Variants in HS6ST1 observed in about 807,000 individuals in gnomAD.
HS6ST1 encodes the protein heparan-sulfate 6-O-sulfotransferase 1.
Under a neutral mutation model 25.2 loss-of-function variants are expected in HS6ST1, and 3 were observed. That is an observed-to-expected ratio of 0.12 (90% CI 0.05 to 0.31). The LOEUF (loss-of-function observed/expected upper bound fraction) is 0.31. Among genes scored for constraint, HS6ST1 ranks in the 10% least tolerant of loss-of-function variants. HS6ST1 has a pLI of 1.00. For missense variants in HS6ST1, 310 were observed against 609.6 expected (o/e 0.51, Z 5.18); for synonymous variants, 204 against 275.1 (o/e 0.74, Z 2.56).
intron 1 of HS6ST1, among the ~76,000 whole-genome samples, chr2:128,308,916 G>A (rs958120196): frequency 6.6e-6 from 1 of 152,178 alleles, no homozygotes; most frequent in Non-Finnish European, 1.5e-5. Context: ...AGGACAGATG[G>A]GTCAGATTCT....
intron 1 of HS6ST1, among the ~76,000 whole-genome samples, chr2:128,317,694 C>T (rs1479930726): frequency 6.6e-6 from 1 of 152,258 alleles, no homozygotes; most frequent in Non-Finnish European, 1.5e-5. Flanking sequence ...TCCCCAAGTC[C>T]GGCGGGCCAG....
chr2:128,296,611 T>C (rs1026713025), intron 1 of HS6ST1, among the ~76,000 whole-genome samples: 7 of 152,172 alleles, frequency 4.6e-5, no homozygotes, highest in Non-Finnish European at 8.8e-5. Flanking sequence ...ACAATTATGT[T>C]TTTGTTGGCA....
intron 1 of HS6ST1, among the ~76,000 whole-genome samples, chr2:128,309,830 G>A (rs569708914): frequency 4.6e-5 from 7 of 152,304 alleles, no homozygotes; most frequent in South Asian, 2.1e-4. Flanking sequence ...CTGACGGCTC[G>A]CTCTCCAGAT....
intron 1 of HS6ST1, among the ~76,000 whole-genome samples, chr2:128,305,568 G>A (rs73956996): frequency 0.099 from 15,030 of 152,270 alleles, 841 homozygotes; most frequent in African/African-American, 0.14. Context: ...GTTGGAGCCC[G>A]GCTGGCTGAG....
intron 1 of HS6ST1, among the ~76,000 whole-genome samples, chr2:128,293,118 C>A (rs1253368035): frequency 6.6e-6 from 1 of 152,210 alleles, no homozygotes. Flanking sequence ...TCCCCAAAGG[C>A]TGGGCCTTGC....
intron 1 of HS6ST1, among the ~76,000 whole-genome samples, 190 bp downstream of exon 1, chr2:128,317,847 A>G (rs1299112671): frequency 6.6e-6 from 1 of 152,206 alleles, no homozygotes; most frequent in African/African-American, 2.4e-5. Flanking sequence ...AAGCGCGGTG[A>G]CAGCCGGCTC....
chr2:128,309,152 C>G (rs1374577164), intron 1 of HS6ST1, among the ~76,000 whole-genome samples: 1 of 152,200 alleles, frequency 6.6e-6, no homozygotes, highest in Non-Finnish European at 1.5e-5. Flanking sequence ...TTCCCAGCCC[C>G]GAGGTGGGTC....
chr2:128,270,094 C>A (rs1435983898), intron 1 of HS6ST1, among the ~76,000 whole-genome samples: 1 of 152,228 alleles, frequency 6.6e-6, no homozygotes, highest in Admixed American at 6.5e-5. Flanking sequence ...AGCTCTGAAG[C>A]AGGCGGGGTA....
chr2:128,307,097 G>A (rs185717234), intron 1 of HS6ST1, among the ~76,000 whole-genome samples: 7 of 152,208 alleles, frequency 4.6e-5, no homozygotes, highest in Admixed American at 3.3e-4. Context: ...TTTTAGTTGG[G>A]TTTCCTTCCA....
intron 1 of HS6ST1, among the ~76,000 whole-genome samples, chr2:128,294,768 G>C (rs1694015180): frequency 1.3e-5 from 2 of 151,520 alleles, no homozygotes; most frequent in South Asian, 4.2e-4. Context: ...CCAGGCTCTG[G>C]GATTTCCTGA....
At chr2:128,271,203 G>A (rs1209529074) in intron 1 of HS6ST1, among the ~76,000 whole-genome samples, 1 of 152,244 alleles carries the variant, frequency 6.6e-6, no homozygotes, top group Non-Finnish European at 1.5e-5. Context: ...GATCCCGTCA[G>A]AGGCCCAAGC....
intron 1 of HS6ST1, among the ~76,000 whole-genome samples, chr2:128,274,573 C>G (rs546717158): frequency 9.7e-4 from 148 of 152,134 alleles, no homozygotes; most frequent in Non-Finnish European, 1.7e-3. Context: ...AACAAACAAA[C>G]AAACAAACAA....
chr2:128,294,843 G>T (rs17040155), intron 1 of HS6ST1, among the ~76,000 whole-genome samples: 1 of 151,834 alleles, frequency 6.6e-6, no homozygotes, highest in East Asian at 1.9e-4. Context: ...CCTGCTTCCT[G>T]AAACTCCTTC....
At chr2:128,270,388 G>A (rs1397080492) in intron 1 of HS6ST1, among the ~76,000 whole-genome samples, 12 of 152,190 alleles carry the variant, frequency 7.9e-5, no homozygotes, top group South Asian at 2.1e-4. Flanking sequence ...CACTTCACAC[G>A]TCCCAAGGCA....
intron 1 of HS6ST1, among the ~76,000 whole-genome samples, chr2:128,273,644 A>G (rs1474111917): frequency 1.3e-5 from 2 of 152,192 alleles, no homozygotes; most frequent in Non-Finnish European, 2.9e-5. Context: ...TGCTGGCCAC[A>G]GGCACGTCCT....
chr2:128,299,294 G>T (rs1234239864), intron 1 of HS6ST1, among the ~76,000 whole-genome samples: 2 of 152,250 alleles, frequency 1.3e-5, no homozygotes, highest in African/African-American at 4.8e-5. Flanking sequence ...GCAAACTGAG[G>T]CCACAGCTGC....
chr2:128,310,090 G>A (rs1227422899), intron 1 of HS6ST1, among the ~76,000 whole-genome samples: 1 of 152,202 alleles, frequency 6.6e-6, no homozygotes, highest in Admixed American at 6.5e-5. Context: ...CAAGGTAGGA[G>A]GGGCTGCCCA....
intron 1 of HS6ST1, among the ~76,000 whole-genome samples, chr2:128,269,340 TTGG>T (rs1693574689): frequency 6.6e-6 from 1 of 151,238 alleles, no homozygotes; most frequent in Non-Finnish European, 1.5e-5. Context: ...CTGGTGGTGG[TTGG>T]GGGGGGGGTG....
At position 128,318,489 on chromosome 2, in the gene HS6ST1, C is replaced by T. The variant is rs370007456; in HGVS notation, c.75G>A (p.Ser25=). The T allele has an allele frequency of 2.5e-5, 38 of 1,549,870 alleles. No homozygotes were observed. The highest frequency in any genetic ancestry group is 3.2e-5 in the Non-Finnish European group (37 of 1,151,804). Residue 25 remains serine (S), a synonymous_variant, in exon 1 of 2, where the codon TCG becomes TCA. Transcript: ENST00000259241. The surrounding 1 kb of genome is among the most constrained non-coding windows in gnomAD (Gnocchi z 5.7). Reference sequence around the variant, plus strand: ...GGTACAAGATGAGCATGAAGCACACCGAGCCCGCCACCACCAGCACGAACT... The same window carrying T: ...GGTACAAGATGAGCATGAAGCACACTGAGCCCGCCACCACCAGCACGAACT... ...ASKFVLVVAG[S]VCFMLILYQY...
Sources: allele counts gnomAD v4.1 joint callset (sites outside exome capture counted in the v4.1 genomes callset), GRCh38; gene constraint gnomAD v4.1.1; non-coding constraint Gnocchi (gnomAD v3.1); transcripts MANE v1.5; gene names NCBI Gene and HGNC (gene_info 2026-07-23, HGNC 2026-07-21).